FCRL2: variants seen among roughly 807,000 people sequenced by gnomAD.
The protein encoded by FCRL2 is Fc receptor like 2, also known as Fc receptor-like protein 2.
FCRL2 carries 48 observed loss-of-function variants against 59.8 expected under a neutral mutation model. The observed-to-expected ratio is 0.80, with a 90% CI of 0.64 to 1.02. FCRL2 has a LOEUF of 1.02. Among genes scored for constraint, FCRL2 ranks in the 50% least tolerant of loss-of-function variants. The pLI is 0.00. For missense variants in FCRL2, 658 were observed against 597.3 expected, an observed-to-expected ratio of 1.10 and a Z score of -1.06; for synonymous variants, 251 against 229.5, an observed-to-expected ratio of 1.09 and a Z score of -0.85.
intron 2 of FCRL2, among the ~76,000 whole-genome samples, chr1:157,775,191 C>T (rs1002638325): frequency 6.6e-6 from 1 of 152,176 alleles, no homozygotes; most frequent in African/African-American, 2.4e-5. Context: ...CATCCTCATT[C>T]GTTTACATAT....
At chr1:157,766,552 T>C in intron 7 of FCRL2, 1 of 434,264 alleles carries the variant, frequency 2.3e-6, no homozygotes, top group Non-Finnish European at 4.0e-6. Context: ...GCTAATTATA[T>C]CTATTGAAAA....
intron 7 of FCRL2, among the ~76,000 whole-genome samples, chr1:157,750,909 G>C (rs11584329): frequency 6.6e-6 from 1 of 152,074 alleles, no homozygotes; most frequent in South Asian, 2.1e-4. Flanking sequence ...GGTTCACAAA[G>C]AAAACCTCCA....
intron 7 of FCRL2, among the ~76,000 whole-genome samples, chr1:157,764,311 C>A (rs1202572749): frequency 6.6e-6 from 1 of 151,430 alleles, no homozygotes; most frequent in Non-Finnish European, 1.5e-5. Context: ...ACTTGAGCAC[C>A]CAAAATCATA....
At chr1:157,746,983 C>G in intron 10 of FCRL2, 84 bp from the exon 11 acceptor site, 5 of 1,369,834 alleles carry the variant, frequency 3.7e-6, no homozygotes, top group Non-Finnish European at 5.1e-6. Context: ...GGGCATAGAA[C>G]TACTATGCTT....
At chr1:157,774,406 A>G (rs1650255492) in intron 2 of FCRL2, 1 of 456,080 alleles carries the variant, frequency 2.2e-6, no homozygotes, top group African/African-American at 2.0e-5. Context: ...CTGGCTATAT[A>G]AGTCCTGCTC....
intron 7 of FCRL2, among the ~76,000 whole-genome samples, chr1:157,755,577 A>G (rs1379711784): frequency 1.3e-5 from 2 of 152,206 alleles, no homozygotes; most frequent in Non-Finnish European, 2.9e-5. Flanking sequence ...TTATCGTAGC[A>G]TTGTGTGTCA....
rs1184403250 is a variant in FCRL2, at chr1:157,767,499, A to G, written c.894T>C (p.Ser298=). 1 of 1,614,264 alleles carries G rather than the reference A, an allele frequency of 6.2e-7. No homozygotes were observed. Among genetic ancestry groups the G allele is most frequent in the Non-Finnish European group, 8.5e-7 (1 of 1,180,052 alleles). Residue 298 remains serine (S), a synonymous_variant, in exon 6 of 12, where the codon TCT becomes TCC. Transcript: ENST00000361516. Reference sequence around the variant, plus strand: ...GAGACCTGAGGGTGAGGACAGGGCGAGACACTGGAACTGACAGACACAGAG... The same window carrying G: ...GAGACCTGAGGGTGAGGACAGGGCGGGACACTGGAACTGACAGACACAGAG... ...VVNIPVRIPV[S]RPVLTLRSPG...
At position 157,766,931 on chromosome 1, in the gene FCRL2, A is replaced by C; in HGVS notation, c.1203T>G (p.Val401=). ...GYRRDLMTAG[V]LWGLFGVLGF... ...CAAGGACACCAAACAGTCCCCAGAG[A>C]ACTCCAGCTGTCATGAGGTCTCTTC... The change falls in exon 7 of 12, where the codon GTT becomes GTG. Residue 401 remains valine, a synonymous_variant. Coordinates refer to ENST00000361516, the MANE Select transcript of FCRL2 (RefSeq NM_030764.4). The C allele has an allele frequency of 1.2e-6, 2 of 1,614,184 alleles. No homozygotes were observed. The highest frequency in any genetic ancestry group is 1.7e-6 in the Non-Finnish European group (2 of 1,180,022).
Position 157,768,942 on chromosome 1 carries a change from A to G in FCRL2, c.596-241T>C, listed in dbSNP as rs16839103. ...TAGTAATATTTAAAGACTTTGTGAT[A>G]GATCTCCATGAGACAGGAAACTGTT... is the stretch of plus-strand genomic sequence containing the variant. On this transcript the variant is annotated intron_variant, in intron 4 of 11. Coordinates refer to ENST00000361516, the MANE Select transcript of FCRL2 (RefSeq NM_030764.4). The G allele has an allele frequency of 7.4e-3, 3,313 of 446,486 alleles. 84 individuals are homozygous for G. Among genetic ancestry groups the G allele is most frequent in the African/African-American group, 0.057 (2,915 of 50,844 alleles). The allele number at this position is 446,486 out of a possible 1,614,324, so 27.7% of individuals were successfully genotyped here.
At chr1:157,769,726 C>T (rs200763051) in intron 4 of FCRL2, 140 bp downstream of exon 4, 2 of 1,091,392 alleles carry the variant, frequency 1.8e-6, no homozygotes, top group East Asian at 2.6e-5. Flanking sequence ...CGCGCCCGGC[C>T]GCAACCTGGA....
At chr1:157,771,954 G>A (rs1226778812) in intron 2 of FCRL2, among the ~76,000 whole-genome samples, 1 of 151,648 alleles carries the variant, frequency 6.6e-6, no homozygotes, top group Non-Finnish European at 1.5e-5. Context: ...ATAATTTTTG[G>A]CAAAATGTAT....
chr1:157,765,395 C>G (rs1205023424), intron 7 of FCRL2, among the ~76,000 whole-genome samples: 5 of 152,168 alleles, frequency 3.3e-5, no homozygotes, highest in Non-Finnish European at 7.4e-5. Flanking sequence ...CTCCTCAAAC[C>G]ATTCCAAAAA....
intron 5 of FCRL2, chr1:157,768,172 T>A (rs909768287): frequency 8.5e-6 from 4 of 469,006 alleles, no homozygotes; most frequent in Non-Finnish European, 1.5e-5. Flanking sequence ...AGATGTTTTA[T>A]CATCCTATCG....
intron 9 of FCRL2, 38 bp downstream of exon 9, chr1:157,748,837 G>C (rs1435216726): frequency 1.3e-6 from 2 of 1,588,108 alleles, no homozygotes; most frequent in Non-Finnish European, 1.7e-6. Flanking sequence ...TTTCTTTTCT[G>C]ACTCAGCCTC....
At chr1:157,752,329 C>T (rs1203202767) in intron 7 of FCRL2, among the ~76,000 whole-genome samples, 1 of 152,150 alleles carries the variant, frequency 6.6e-6, no homozygotes, top group Non-Finnish European at 1.5e-5. Flanking sequence ...GAGGAGTTTC[C>T]CTGCACAAGC....
Position 157,748,626 on chromosome 1 carries a change from G to A in FCRL2, c.1394-8C>T, listed in dbSNP as rs769447659. Reference sequence around the variant, plus strand: ...CCACATCTACAGAGCCCACTGCAGGGAGAAGACAAGAGTTCACAGATGTTG... The same window carrying A: ...CCACATCTACAGAGCCCACTGCAGGAAGAAGACAAGAGTTCACAGATGTTG... On this transcript the variant is annotated splice_polypyrimidine_tract_variant and splice_region_variant and intron_variant, in intron 9 of 11. Coordinates refer to ENST00000361516, the MANE Select transcript of FCRL2 (RefSeq NM_030764.4). 8.7e-6 allele frequency: 14 copies of A among 1,612,926 alleles called. No homozygotes were observed. The highest frequency in any genetic ancestry group is 7.7e-5 in the South Asian group (7 of 90,998).
intron 9 of FCRL2, 124 bp downstream of exon 9, chr1:157,748,747 GTTAT>G: frequency 8.5e-7 from 1 of 1,173,078 alleles, no homozygotes; most frequent in African/African-American, 1.5e-5. Flanking sequence ...GAGAGAGTCT[GTTAT>G]TTATTGGGAA....
chr1:157,747,986 C>T (rs1318706808), intron 10 of FCRL2, among the ~76,000 whole-genome samples: 5 of 152,108 alleles, frequency 3.3e-5, no homozygotes, highest in Non-Finnish European at 2.9e-5. Flanking sequence ...CTATCTAACC[C>T]GATTCAAATG....
At chr1:157,769,767 C>T (rs1259608427) in intron 4 of FCRL2, 99 bp downstream of exon 4, 1 of 1,431,188 alleles carries the variant, frequency 7.0e-7, no homozygotes, top group Admixed American at 2.2e-5. Flanking sequence ...TCACTTTCCT[C>T]AAGGACAGGA....
Sources: allele counts gnomAD v4.1 joint callset (sites outside exome capture counted in the v4.1 genomes callset), GRCh38; gene constraint gnomAD v4.1.1; transcripts MANE v1.5; gene names NCBI Gene and HGNC (gene_info 2026-07-23, HGNC 2026-07-21).